RASA3: variants seen among roughly 807,000 people sequenced by gnomAD.
The protein encoded by RASA3 is ras GTPase-activating protein 3.
RASA3 carries 73 observed loss-of-function variants against 110.0 expected under a neutral mutation model. That is an observed-to-expected ratio of 0.66 (90% CI 0.55 to 0.81). The LOEUF is 0.81. Among genes scored for constraint, RASA3 ranks in the 30% least tolerant of loss-of-function variants. The pLI, the probability that RASA3 is intolerant of heterozygous loss-of-function variation, is 0.00. For synonymous variants in RASA3, 500 were observed against 451.4 expected (o/e 1.11, Z -1.37); for missense variants, 976 against 1,113.2 (o/e 0.88, Z 1.75).
intron 9 of RASA3, among the ~76,000 whole-genome samples, chr13:114,019,357 C>T (rs1042864911): frequency 2.0e-5 from 3 of 152,232 alleles, no homozygotes; most frequent in Admixed American, 1.3e-4. Flanking sequence ...CACCTGGGCA[C>T]CTGGTCATTG....
intron 4 of RASA3, among the ~76,000 whole-genome samples, chr13:114,033,714 G>A (rs1239547580): frequency 2.0e-5 from 3 of 152,238 alleles, no homozygotes; most frequent in Non-Finnish European, 2.9e-5. Context: ...GCGCTCACAG[G>A]GGGAATGGAA....
At chr13:114,119,025 A>C (rs35320223) in intron 1 of RASA3, among the ~76,000 whole-genome samples, 53,780 of 151,586 alleles carry the variant, frequency 0.35, 10,264 homozygotes, top group Non-Finnish European at 0.42. Context: ...TTGGAGATGA[A>C]ATTGGCTGCC....
intron 1 of RASA3, among the ~76,000 whole-genome samples, chr13:114,101,141 C>T (rs961425082): frequency 2.0e-5 from 3 of 152,110 alleles, no homozygotes; most frequent in Non-Finnish European, 4.4e-5. Context: ...GGCCTGTGTC[C>T]CGGCCAACGG....
At chr13:114,043,034 G>A (rs542538611) in intron 3 of RASA3, among the ~76,000 whole-genome samples, 2 of 152,282 alleles carry the variant, frequency 1.3e-5, no homozygotes, top group Non-Finnish European at 2.9e-5. Flanking sequence ...TCTGCCTCGC[G>A]GGCTCATGCG....
chr13:114,045,671 G>A (rs996659346), intron 3 of RASA3, among the ~76,000 whole-genome samples: 3 of 152,252 alleles, frequency 2.0e-5, no homozygotes, highest in African/African-American at 7.2e-5. Context: ...ACTAATTGGT[G>A]TGTTCAGCAA....
chr13:114,016,314 G>C (rs950043780), intron 12 of RASA3, 43 bp from the exon 13 acceptor site: 1 of 1,443,786 alleles, frequency 6.9e-7, no homozygotes, highest in African/African-American at 1.4e-5. Flanking sequence ...TGGGTTCTGG[G>C]GGCACAGGCA....
At chr13:113,991,766 A>G (rs930996923) in intron 22 of RASA3, among the ~76,000 whole-genome samples, 1 of 152,262 alleles carries the variant, frequency 6.6e-6, no homozygotes, top group African/African-American at 2.4e-5. Context: ...ATTAGATGGC[A>G]TGTGTGTACC....
chr13:114,109,797 C>G (rs944496424), intron 1 of RASA3, among the ~76,000 whole-genome samples: 4 of 152,092 alleles, frequency 2.6e-5, no homozygotes, highest in Non-Finnish European at 5.9e-5. Flanking sequence ...GCGGGGCTGG[C>G]GCAGGGCCAC....
chr13:114,022,045 G>A lies in RASA3; in HGVS notation c.681-537C>T, dbSNP rs139350425. 6.0e-3 allele frequency among the ~76,000 whole-genome samples: 915 copies of A among 152,292 alleles called. 8 individuals are homozygous for A. The highest frequency in any genetic ancestry group is 0.041 in the Middle Eastern group (12 of 294). On this transcript the variant is annotated intron_variant, in intron 8 of 23. Coordinates refer to ENST00000334062, the MANE Select transcript of RASA3 (RefSeq NM_007368.4). The stretch of plus-strand genomic sequence containing the variant: ...GCCCAGCACCAGCAGTCTGTGCACG[G>A]CGGGCAAATGTAGAACCCTGTCTCC...
intron 16 of RASA3, among the ~76,000 whole-genome samples, chr13:114,010,765 T>A (rs370048914): frequency 0.14 from 337 of 2,350 alleles, 7 homozygotes; most frequent in Non-Finnish European, 0.15. Flanking sequence ...CGTGGGGAGG[T>A]GGGGAGGAGG....
intron 2 of RASA3, among the ~76,000 whole-genome samples, chr13:114,061,222 G>A (rs573445951): frequency 4.5e-4 from 69 of 152,266 alleles, no homozygotes; most frequent in African/African-American, 1.6e-3. Flanking sequence ...GGCCGGGGAC[G>A]CTGCCTCGAT....
At chr13:114,109,150 C>G (rs1223446471) in intron 1 of RASA3, among the ~76,000 whole-genome samples, 2 of 152,212 alleles carry the variant, frequency 1.3e-5, no homozygotes, top group African/African-American at 2.4e-5. Flanking sequence ...CAAACACACA[C>G]GGGCCCCCGA....
intron 9 of RASA3, 125 bp downstream of exon 9, chr13:114,021,279 G>A (rs2053922401): frequency 1.3e-6 from 1 of 745,934 alleles, no homozygotes; most frequent in Admixed American, 2.4e-5. Flanking sequence ...CAAAGTAAGA[G>A]CAGGTGGGTG....
rs533433507 is a variant in RASA3, at chr13:114,016,211, G to A, written c.1267C>T (p.Leu423Phe). The change falls in exon 13 of 24, where the codon CTT (leucine) becomes TTT (phenylalanine). Residue 423 changes from leucine (L) to phenylalanine (F), a missense_variant. Coordinates refer to ENST00000334062, the MANE Select transcript of RASA3 (RefSeq NM_007368.4). ...DPVKLKDGEN[L>F]ENNMENLRQY... ...ACAAAACCTACCATGTTGTTTTCAA[G>A]GTTTTCTCCGTCTTTCAACTTCACA... 1.3e-6 allele frequency: 2 copies of A among 1,594,040 alleles called. No homozygotes were observed. Among genetic ancestry groups the A allele is most frequent in the Admixed American group, 1.7e-5 (1 of 59,984 alleles).
chr13:114,010,667 G>A, intron 16 of RASA3, among the ~76,000 whole-genome samples: 1 of 60,410 alleles, frequency 1.7e-5, no homozygotes, highest in East Asian at 5.1e-4. Context: ...GGAGGCGGCT[G>A]CGTGGGGAGG....
chr13:114,121,311 G>T (rs373946968), intron 1 of RASA3, among the ~76,000 whole-genome samples: 2 of 152,210 alleles, frequency 1.3e-5, no homozygotes, highest in Non-Finnish European at 2.9e-5. Flanking sequence ...TGTCTGGAGA[G>T]TGTCCCCAGC....
intron 22 of RASA3, among the ~76,000 whole-genome samples, chr13:113,989,530 AC>A (rs1194762338): frequency 8.8e-6 from 1 of 113,614 alleles, no homozygotes; most frequent in African/African-American, 3.4e-5. Context: ...CCGTCCATCC[AC>A]CATCACTCAC....
At chr13:114,131,170 G>A (rs1374792941) in intron 1 of RASA3, among the ~76,000 whole-genome samples, 1 of 152,240 alleles carries the variant, frequency 6.6e-6, no homozygotes, top group Non-Finnish European at 1.5e-5. Context: ...AAAGCCGACA[G>A]GAAACAGCCC....
chr13:114,010,821 GTGAC>G (rs2053622101), intron 16 of RASA3, among the ~76,000 whole-genome samples: 1 of 151,334 alleles, frequency 6.6e-6, no homozygotes, highest in Non-Finnish European at 1.5e-5. Context: ...AGGGGGCTGC[GTGAC>G]GAGGAGCCTC....
Sources: gnomAD v4.1 joint callset for allele counts (sites outside exome capture counted in the v4.1 genomes callset) on GRCh38, gnomAD v4.1.1 for gene constraint, MANE v1.5 for transcripts, NCBI Gene and HGNC (gene_info 2026-07-23, HGNC 2026-07-21) for gene names.